Variants in PRDM16 observed in about 807,000 individuals in gnomAD.
The protein encoded by PRDM16 is histone-lysine N-methyltransferase PRDM16.
A neutral mutation model predicts 110.6 loss-of-function variants in PRDM16; 23 were observed. The ratio of observed to expected loss-of-function variants is 0.21; its 90% CI spans 0.15 to 0.29. PRDM16 has a LOEUF of 0.29. Ranked by LOEUF, PRDM16 falls within the 10% of genes least tolerant of loss-of-function variation. PRDM16 has a pLI of 1.00. For synonymous variants in PRDM16, 799 were observed against 781.8 expected (o/e 1.02, Z -0.37); for missense variants, 1,615 against 1,794.3 (o/e 0.90, Z 1.81).
chr1:3,121,277 G>T (rs139557725), intron 1 of PRDM16, among the ~76,000 whole-genome samples: 1 of 152,184 alleles, frequency 6.6e-6, no homozygotes, highest in Admixed American at 6.5e-5. Context: ...CGGTGCCTCC[G>T]GTCCTAGCAA....
chr1:3,077,469 T>A (rs1641926280), intron 1 of PRDM16, among the ~76,000 whole-genome samples: 1 of 152,236 alleles, frequency 6.6e-6, no homozygotes, highest in Admixed American at 6.5e-5. Context: ...TTGGTTGAAG[T>A]GCTGCGATGT....
chr1:3,214,204 TCTC>T (rs1023656622), intron 2 of PRDM16, among the ~76,000 whole-genome samples: 1 of 152,084 alleles, frequency 6.6e-6, no homozygotes, highest in Non-Finnish European at 1.5e-5. Context: ...TTCCTTCCAT[TCTC>T]CTATTGGACA....
chr1:3,345,855 G>C (rs762966783), intron 3 of PRDM16, among the ~76,000 whole-genome samples: 1 of 151,788 alleles, frequency 6.6e-6, no homozygotes. Flanking sequence ...CTCTGCAGCC[G>C]AGGGTTTTTC....
chr1:3,287,361 C>G (rs1313108393), intron 3 of PRDM16, among the ~76,000 whole-genome samples: 100 of 81,416 alleles, frequency 1.2e-3, no homozygotes, highest in African/African-American at 4.1e-3. Context: ...GGGGCTGGAG[C>G]CGCCCCGCCA....
In PRDM16 at chr1:3,138,893, T is replaced by C. The variant is rs755070793; in HGVS notation, c.38-47232T>C. Among the ~76,000 whole-genome samples, 9 of 152,254 alleles carry C rather than the reference T, an allele frequency of 5.9e-5. No individual in the cohort carries two copies. The South Asian group carries it at 1.9e-3, about 32-fold the overall frequency. On this transcript the variant is annotated intron_variant, in intron 1 of 16. Coordinates refer to ENST00000270722, the MANE Select transcript of PRDM16 (RefSeq NM_022114.4). ...TTGTGATGTACCGGGTGTGTTGCTG[T>C]TTTCTGGATACTTCAGTAAGAGGGA...
intron 1 of PRDM16, among the ~76,000 whole-genome samples, chr1:3,094,025 C>A (rs1046209898): frequency 6.6e-6 from 1 of 152,242 alleles, no homozygotes; most frequent in African/African-American, 2.4e-5. Flanking sequence ...AAGTGCCGAG[C>A]AGAAGTGGTG....
chr1:3,415,667 G>GAGGCCCACCC (rs1415421797), intron 10 of PRDM16, among the ~76,000 whole-genome samples: 1 of 152,274 alleles, frequency 6.6e-6, no homozygotes, highest in African/African-American at 2.4e-5. Context: ...CCGGGCGGGA[G>GAGGCCCACCC]AGGCCCACCC....
rs1638933370 is a variant in PRDM16, at chr1:3,437,266, CCA to C, written c.*3456_*3457del. The C allele has an allele frequency of 4.3e-6, 1 of 232,808 alleles. No individual in the cohort carries two copies. Among genetic ancestry groups the C allele is most frequent in the Admixed American group, 5.6e-5 (1 of 17,774 alleles). 14.4% of individuals were successfully genotyped at this position (232,808 alleles called of 1,614,324 possible). A position where few individuals can be genotyped will look rare whatever the true frequency, so the allele number is the denominator to read the frequency against. ...CCGACTGGCCAAGACCTCCACGTCCCCAGAGTCCAGCCCTGGAAATTCCAAGG... is the reference window on the plus strand; with the variant it reads ...CCGACTGGCCAAGACCTCCACGTCCCGAGTCCAGCCCTGGAAATTCCAAGG... On this transcript the variant is annotated 3_prime_UTR_variant, in exon 17 of 17. Transcript: ENST00000270722.
At position 3,412,738 on chromosome 1, in the gene PRDM16, GC is replaced by G; in HGVS notation, c.2545del (p.Gln849SerfsTer22). 3 of 1,502,106 alleles carry G rather than the reference GC, an allele frequency of 2.0e-6. No homozygotes were observed. Among genetic ancestry groups the G allele is most frequent in the Non-Finnish European group, 1.8e-6 (2 of 1,126,042 alleles). The allele number at this position is 1,502,106 out of a possible 1,614,324, so 93.0% of individuals were successfully genotyped here. On this transcript the variant is annotated frameshift_variant, in exon 9 of 17. Coordinates refer to ENST00000270722, the MANE Select transcript of PRDM16 (RefSeq NM_022114.4). LOFTEE classifies it high-confidence loss of function. ...GLPQVCPARM[P>X]QQPPLHYAKP... ...TGCCCCAGGTGTGCCCGGCGCGGAT[GC>G]CCCAGCAGCCCCCGCTCCACTACGC...
intron 1 of PRDM16, among the ~76,000 whole-genome samples, chr1:3,096,716 G>A (rs768041653): frequency 3.9e-5 from 6 of 152,184 alleles, no homozygotes; most frequent in Admixed American, 6.5e-5. Context: ...CAAGGCTTCC[G>A]GAGCAGGGGT....
At chr1:3,181,348 G>GGTCTTACACACGCGGTCTTACACAAGCA (rs1644174570) in intron 1 of PRDM16, among the ~76,000 whole-genome samples, 1 of 20,562 alleles carries the variant, frequency 4.9e-5, no homozygotes. Flanking sequence ...TCTTACACAC[G>GGTCTTACACACGCGGTCTTACACAAGCA]GTCTTACACA....
rs954645303 is a variant in PRDM16 at position 3,176,742 on chromosome 1, A to G, written c.38-9383A>G. Among the ~76,000 whole-genome samples the G allele has an allele frequency of 3.3e-5, 5 of 149,268 alleles. No homozygotes were observed. In the South Asian group the frequency reaches 1.1e-3, roughly 32 times the overall value. ...CATCCATCCATCCATCCATCCATCC[A>G]TCTATTCTTCCATCCATCCCTCCAT... On this transcript the variant is annotated intron_variant, in intron 1 of 16. Coordinates refer to ENST00000270722, the MANE Select transcript of PRDM16 (RefSeq NM_022114.4).
intron 14 of PRDM16, among the ~76,000 whole-genome samples, chr1:3,426,748 A>C (rs751823269): frequency 3.3e-4 from 50 of 152,288 alleles, no homozygotes; most frequent in Non-Finnish European, 6.3e-4. Context: ...TACATATGCC[A>C]TTGATGAATC....
At chr1:3,357,525 G>A (rs372906180) in intron 3 of PRDM16, among the ~76,000 whole-genome samples, 4 of 140,152 alleles carry the variant, frequency 2.9e-5, no homozygotes, top group South Asian at 2.1e-4. Flanking sequence ...CCCTGGATCC[G>A]CCCCTCCTTC....
intron 3 of PRDM16, among the ~76,000 whole-genome samples, chr1:3,249,254 G>A (rs1046187703): frequency 2.6e-5 from 4 of 152,108 alleles, no homozygotes; most frequent in Non-Finnish European, 5.9e-5. Flanking sequence ...GAGGGGATGT[G>A]GTTGGAGAGA....
intron 3 of PRDM16, among the ~76,000 whole-genome samples, chr1:3,375,751 G>A (rs986501816): frequency 3.3e-5 from 5 of 152,248 alleles, no homozygotes; most frequent in African/African-American, 1.2e-4. Flanking sequence ...CTTGGGCACT[G>A]CGCACGGTCA....
chr1:3,291,222 A>G (rs1027100814), intron 3 of PRDM16, among the ~76,000 whole-genome samples: 1 of 152,116 alleles, frequency 6.6e-6, no homozygotes, highest in Non-Finnish European at 1.5e-5. Flanking sequence ...CAGAGACTGG[A>G]GAGAGCCAGG....
At chr1:3,364,948 C>T (rs1431133068) in intron 3 of PRDM16, among the ~76,000 whole-genome samples, 2 of 152,218 alleles carry the variant, frequency 1.3e-5, no homozygotes, top group Non-Finnish European at 2.9e-5. Context: ...GTCCCTCATT[C>T]CCTCGTGCAG....
rs145131491 is a variant in PRDM16 at position 3,084,233 on chromosome 1, G to A, written c.37+14937G>A. Among the ~76,000 whole-genome samples the A allele has an allele frequency of 9.0e-3, 1,369 of 152,276 alleles. 22 individuals carry two copies. The highest frequency in any genetic ancestry group is 0.031 in the African/African-American group (1,294 of 41,552). ...GGGCGTCTGGGGGCCTGTACCCCTC[G>A]GGTGGGGCAGGTTGGGCTGGAGCCC... On this transcript the variant is annotated intron_variant, in intron 1 of 16. Coordinates refer to ENST00000270722, the MANE Select transcript of PRDM16 (RefSeq NM_022114.4).
Sources: allele counts gnomAD v4.1 joint callset (sites outside exome capture counted in the v4.1 genomes callset), GRCh38; gene constraint gnomAD v4.1.1; transcripts MANE v1.5; gene names NCBI Gene and HGNC (gene_info 2026-07-23, HGNC 2026-07-21).